Variants in MAST3 observed in about 807,000 individuals in gnomAD.
MAST3 encodes the protein microtubule associated serine/threonine kinase 3.
Under a neutral mutation model 127.0 loss-of-function variants are expected in MAST3, and 43 were observed. That is an observed-to-expected ratio of 0.34 (90% CI 0.27 to 0.44). MAST3 has a LOEUF of 0.44. Ranked by LOEUF, MAST3 falls within the 20% of genes least tolerant of loss-of-function variation. The probability of loss-of-function intolerance (pLI) is 1.00; values close to 1 mark genes in which losing one functional copy is unlikely to be tolerated. For synonymous variants in MAST3, 785 were observed against 809.2 expected, an observed-to-expected ratio of 0.97 and a Z score of 0.51; for missense variants, 1,390 against 1,919.1, an observed-to-expected ratio of 0.72 and a Z score of 5.15.
intron 3 of MAST3, among the ~76,000 whole-genome samples, chr19:18,113,713 T>C (rs542396449): frequency 2.0e-5 from 3 of 152,292 alleles, no homozygotes; most frequent in Non-Finnish European, 2.9e-5. Flanking sequence ...CCACCCGCCA[T>C]GGCCTCCCAC....
At chr19:18,143,742 G>A (rs1317904443) in intron 21 of MAST3, 21 bp from the exon 22 acceptor site, 1 of 1,612,462 alleles carries the variant, frequency 6.2e-7, no homozygotes, top group Non-Finnish European at 8.5e-7. Flanking sequence ...CAGGGGTGAT[G>A]CAGGCTCTTC....
At chr19:18,140,942 C>T (rs11879651) in intron 20 of MAST3, among the ~76,000 whole-genome samples, 3,455 of 151,392 alleles carry the variant, frequency 0.023, 58 homozygotes, top group African/African-American at 0.043. Context: ...TACAGGTGCG[C>T]GCCACCACAC....
chr19:18,142,245 T>C lies in MAST3; in HGVS notation c.2339+230T>C, dbSNP rs547102863. Among the ~76,000 whole-genome samples the C allele has an allele frequency of 5.9e-5, 9 of 152,246 alleles. No individual in the cohort carries two copies. The East Asian group carries it at 1.4e-3, about 23-fold the overall frequency. On this transcript the variant is annotated intron_variant, in intron 21 of 27. Coordinates refer to ENST00000687212, the MANE Select transcript of MAST3 (RefSeq NM_001393504.1). ...ATGCTGCTAGGCACACTTTTCCTTC[T>C]GTCCAGAATGCCCTTTGCTTACTAA...
In MAST3 at chr19:18,131,311, G is replaced by A. The variant is rs563751065; in HGVS notation, c.1433-598G>A. Among the ~76,000 whole-genome samples the A allele has an allele frequency of 5.9e-5, 9 of 152,058 alleles. No individual in the cohort carries two copies. In the East Asian group the frequency reaches 1.2e-3, roughly 20 times the overall value. ...GGAGATTCGCTTGAACTCTAGAGGCGGAGCTTGCAGTGAGCCGAGACTGCG... is the reference window on the plus strand; with the variant it reads ...GGAGATTCGCTTGAACTCTAGAGGCAGAGCTTGCAGTGAGCCGAGACTGCG... On this transcript the variant is annotated intron_variant, in intron 14 of 27. Coordinates refer to ENST00000687212, the MANE Select transcript of MAST3 (RefSeq NM_001393504.1).
At chr19:18,131,883 C>T in intron 14 of MAST3, 26 bp from the exon 15 acceptor site, 2 of 1,551,878 alleles carry the variant, frequency 1.3e-6, no homozygotes, top group Non-Finnish European at 1.7e-6. Context: ...CCCCGGGCCT[C>T]ATGACTACAT....
At chr19:18,140,890 T>A (rs1259593929) in intron 20 of MAST3, among the ~76,000 whole-genome samples, 1 of 151,956 alleles carries the variant, frequency 6.6e-6, no homozygotes, top group Non-Finnish European at 1.5e-5. Context: ...ACCTTCTGGG[T>A]TCAAGCGATT....
At chr19:18,124,464 T>C in intron 10 of MAST3, 98 bp downstream of exon 10, 2 of 1,379,310 alleles carry the variant, frequency 1.5e-6, no homozygotes, top group Non-Finnish European at 2.0e-6. Context: ...TCCCATCGTG[T>C]AGGGCTTTGA....
chr19:18,135,824 T>C lies in MAST3; in HGVS notation c.1955T>C (p.Leu652Pro). ...LITRLLRQSP[L>P]DRLGTGGTHE... is the part of the protein sequence containing the mutation. ...ACCAGGTTGCTCCGGCAGAGCCCGC[T>C]GGACCGTCTGGGCACTGGTATGTAG... The change falls in exon 18 of 28, where the codon CTG becomes CCG. Residue 652 changes from leucine to proline, a missense_variant. By Grantham distance (98) the Leu-to-Pro change is moderately conservative. Coordinates refer to ENST00000687212, the MANE Select transcript of MAST3 (RefSeq NM_001393504.1). The C allele has an allele frequency of 6.2e-7, 1 of 1,607,344 alleles. No homozygotes were observed. The highest frequency in any genetic ancestry group is 8.5e-7 in the Non-Finnish European group (1 of 1,176,970).
At chr19:18,142,852 T>A (rs936953213) in intron 21 of MAST3, among the ~76,000 whole-genome samples, 2 of 151,794 alleles carry the variant, frequency 1.3e-5, no homozygotes, top group African/African-American at 4.8e-5. Context: ...GACTTACACC[T>A]GTAATCCCAA....
chr19:18,135,985 A>G (rs941096654), intron 18 of MAST3, 144 bp downstream of exon 18: 1 of 613,722 alleles, frequency 1.6e-6, no homozygotes, highest in East Asian at 2.9e-5. Context: ...GTTTTGAAGG[A>G]TGCACAGGAG....
chr19:18,140,479 C>T (rs546803543), intron 20 of MAST3, among the ~76,000 whole-genome samples: 2 of 152,172 alleles, frequency 1.3e-5, no homozygotes, highest in Non-Finnish European at 2.9e-5. Flanking sequence ...ATGTTTGATT[C>T]CCCCAAAAAT....
intron 11 of MAST3, 135 bp from the exon 12 acceptor site, chr19:18,128,265 A>G: frequency 4.8e-6 from 3 of 630,550 alleles, no homozygotes; most frequent in Non-Finnish European, 8.3e-6. Flanking sequence ...GCTTCATGAC[A>G]GTGTCATGAG....
chr19:18,111,530 C>CTTTTTTTTTTTTTT (rs576984210), intron 3 of MAST3, among the ~76,000 whole-genome samples: 2 of 103,288 alleles, frequency 1.9e-5, no homozygotes, highest in African/African-American at 4.6e-5. Context: ...TTTCCACAGA[C>CTTTTTTTTTTTTTT]TTTTTTTTTT....
chr19:18,102,459 A>G (rs1174060913), intron 1 of MAST3, among the ~76,000 whole-genome samples: 2 of 145,728 alleles, frequency 1.4e-5, no homozygotes, highest in Admixed American at 6.8e-5. Flanking sequence ...GATTACAGGC[A>G]TGAGCCACTG....
chr19:18,142,106 T>A, intron 21 of MAST3, 91 bp downstream of exon 21: 1 of 1,283,374 alleles, frequency 7.8e-7, no homozygotes, highest in Non-Finnish European at 1.0e-6. Context: ...AGCTTCCTAG[T>A]GGCCAAGTAG....
In MAST3 at chr19:18,145,791, G is replaced by T; in HGVS notation, c.3088G>T (p.Asp1030Tyr). The change falls in exon 25 of 28, where the codon GAC (aspartate) becomes TAC (tyrosine). Residue 1030 changes from aspartate (D) to tyrosine (Y), a missense_variant. By Grantham distance (160) the Asp-to-Tyr change is radical. Transcript: ENST00000687212. The surrounding 1 kb of genome is among the most constrained non-coding windows in gnomAD (Gnocchi z 5.9). ...CCAGGAGGCGGGCCTGCGGGCTGGG[G>T]ACCTCATCACCCACATCAACGGGGA... ...PAQEAGLRAGDLITHINGESV... is the reference protein window; with the variant it reads ...PAQEAGLRAGYLITHINGESV... 6.3e-7 allele frequency: 1 copy of T among 1,591,536 alleles called. No individual in the cohort carries two copies. The highest frequency in any genetic ancestry group is 8.5e-7 in the Non-Finnish European group (1 of 1,172,346).
chr19:18,098,983 A>G (rs2146723956), intron 1 of MAST3: 1 of 330,678 alleles, frequency 3.0e-6, no homozygotes, highest in East Asian at 7.6e-5. Flanking sequence ...GGAGGCAGCC[A>G]AGGGTGGCGA....
intron 8 of MAST3, 69 bp downstream of exon 8, chr19:18,123,724 C>CT (rs2147214225): frequency 7.7e-7 from 1 of 1,299,096 alleles, no homozygotes; most frequent in African/African-American, 1.5e-5. Context: ...CCATGGAACT[C>CT]TGTCTTCCTG....
At position 18,140,456 on chromosome 19, in the gene MAST3, A is replaced by G. The variant is rs143079204; in HGVS notation, c.2205+1332A>G. On this transcript the variant is annotated intron_variant, in intron 20 of 27. Transcript: ENST00000687212. ...ATAATGTTGTGCAACCATCACCTCT[A>G]TCTAGCTCTCAAATGTTTGATTCCC... Among the ~76,000 whole-genome samples, 573 of 152,294 alleles carry G rather than the reference A, an allele frequency of 3.8e-3. 3 individuals are homozygous for G. Among genetic ancestry groups the G allele is most frequent in the Non-Finnish European group, 6.4e-3 (436 of 68,026 alleles).
Sources: gnomAD v4.1 joint callset for allele counts (sites outside exome capture counted in the v4.1 genomes callset) on GRCh38, gnomAD v4.1.1 for gene constraint, Gnocchi (gnomAD v3.1) non-coding constraint, MANE v1.5 for transcripts, NCBI Gene and HGNC (gene_info 2026-07-23, HGNC 2026-07-21) for gene names.